Variants in ITSN2 observed in about 807,000 individuals in gnomAD.
ITSN2 encodes the protein intersectin 2.
In ITSN2, 156 loss-of-function variants were observed where a neutral mutation model predicts 243.7. The ratio of observed to expected loss-of-function variants is 0.64; its 90% CI spans 0.56 to 0.73. ITSN2 has a LOEUF of 0.73. Among genes scored for constraint, ITSN2 ranks in the 30% least tolerant of loss-of-function variants. The pLI, the probability that ITSN2 is intolerant of heterozygous loss-of-function variation, is 0.00. For synonymous variants in ITSN2, 703 were observed against 699.9 expected, an observed-to-expected ratio of 1.00 and a Z score of -0.07; for missense variants, 1,801 against 1,996.1, an observed-to-expected ratio of 0.90 and a Z score of 1.86.
intron 22 of ITSN2, among the ~76,000 whole-genome samples, chr2:24,259,392 T>C (rs986421314): frequency 6.6e-6 from 1 of 152,236 alleles, no homozygotes; most frequent in South Asian, 2.1e-4. Flanking sequence ...TATTGTAATA[T>C]CCTTCCTTAA....
intron 29 of ITSN2, chr2:24,241,079 C>T (rs571632325): frequency 1.3e-5 from 2 of 152,140 alleles, no homozygotes; most frequent in Non-Finnish European, 2.9e-5. Flanking sequence ...AGGTGTTACA[C>T]AGCTTTCCTT....
chr2:24,312,254 T>C lies in ITSN2; in HGVS notation c.310A>G (p.Lys104Glu). Residue 104 changes from lysine (K) to glutamate (E), a missense_variant, in exon 5 of 40, where the codon AAG (lysine) becomes GAG (glutamate). This residue lies in a region of ITSN2 where 787 missense variants were observed against 803.9 expected (regional missense o/e 0.98). Coordinates refer to ENST00000355123, the MANE Select transcript of ITSN2 (RefSeq NM_006277.3). ...QLPVVLPPIM[K>E]QPPMFSPLIS... Reference sequence around the variant, plus strand: ...AATGGAGAAAACATAGGGGGTTGCTTCATAATAGGAGGGAGAACCACAGGC... The same window carrying C: ...AATGGAGAAAACATAGGGGGTTGCTCCATAATAGGAGGGAGAACCACAGGC... 1 of 1,613,182 alleles carries C rather than the reference T, an allele frequency of 6.2e-7. No individual in the cohort carries two copies. Among genetic ancestry groups the C allele is most frequent in the Non-Finnish European group, 8.5e-7 (1 of 1,179,516 alleles).
In ITSN2 at chr2:24,360,437, C is replaced by G. The variant is rs1267899460; in HGVS notation, c.-167G>C. The G allele has an allele frequency of 6.6e-6, 1 of 152,502 alleles. No individual in the cohort carries two copies. The highest frequency in any genetic ancestry group is 2.4e-5 in the African/African-American group (1 of 41,456). The allele number at this position is 152,502 out of a possible 1,614,324, so 9.4% of individuals were successfully genotyped here. ...CCGCCACTGCAGCTGGCTTGGTCGT[C>G]AGGCCGCCGCCCGCGAACCTGTTGC... On this transcript the variant is annotated 5_prime_UTR_variant, in exon 1 of 40. Coordinates refer to ENST00000355123, the MANE Select transcript of ITSN2 (RefSeq NM_006277.3).
chr2:24,339,573 T>A (rs1482482279), intron 1 of ITSN2, among the ~76,000 whole-genome samples: 3 of 150,102 alleles, frequency 2.0e-5, no homozygotes, highest in Non-Finnish European at 4.4e-5. Flanking sequence ...AGAGGTGGGG[T>A]AGGGAGGAAA....
At chr2:24,220,719 C>A (rs1262929768) in intron 30 of ITSN2, 1 of 1,340,370 alleles carries the variant, frequency 7.5e-7, no homozygotes, top group Admixed American at 4.0e-5. Flanking sequence ...TGAGTGACCT[C>A]ATCTGGGGGA....
intron 20 of ITSN2, among the ~76,000 whole-genome samples, chr2:24,263,298 T>C (rs1230240382): frequency 6.6e-6 from 1 of 152,192 alleles, no homozygotes; most frequent in Non-Finnish European, 1.5e-5. Context: ...TAAATGAATA[T>C]GGTAGTTGTG....
Position 24,205,645 on chromosome 2 carries a change from A to ATGTC in ITSN2, c.4679-352_4679-349dup, listed in dbSNP as rs1252202861. The ATGTC allele has an allele frequency of 2.2e-5, 6 of 269,620 alleles. No homozygotes were observed. The East Asian group carries it at 4.6e-4, about 21-fold the overall frequency. The allele number at this position is 269,620 out of a possible 1,614,324, so 16.7% of individuals were successfully genotyped here. A position where few individuals can be genotyped will look rare whatever the true frequency, so the allele number is the denominator to read the frequency against. ...CCTGCTGGGTCTGAAATCGTGTGTA[A>ATGTC]TGTCTGTCTCCTCTGCCAGACAGGA... On this transcript the variant is annotated intron_variant, in intron 37 of 39. Coordinates refer to ENST00000355123, the MANE Select transcript of ITSN2 (RefSeq NM_006277.3).
intron 8 of ITSN2, among the ~76,000 whole-genome samples, chr2:24,307,698 CAA>C (rs1428105194): frequency 6.6e-6 from 1 of 152,100 alleles, no homozygotes; most frequent in African/African-American, 2.4e-5. Flanking sequence ...CAATCGATTC[CAA>C]AAGTCTTACT....
At chr2:24,242,245 A>T (rs1300646892) in intron 29 of ITSN2, 2 of 152,608 alleles carry the variant, frequency 1.3e-5, no homozygotes, top group African/African-American at 4.8e-5. Context: ...AACATAATGC[A>T]AATTAGGTGG....
chr2:24,217,832 G>A, intron 31 of ITSN2, 75 bp downstream of exon 31: 1 of 925,580 alleles, frequency 1.1e-6, no homozygotes, highest in Non-Finnish European at 1.7e-6. Context: ...AGAAGCCCTT[G>A]CAGAGGGTTT....
chr2:24,230,705 T>C (rs1312967626), intron 29 of ITSN2, among the ~76,000 whole-genome samples: 1 of 151,964 alleles, frequency 6.6e-6, no homozygotes, highest in Non-Finnish European at 1.5e-5. Flanking sequence ...GAGGCAGAGG[T>C]TGCAGTGACC....
intron 18 of ITSN2, among the ~76,000 whole-genome samples, chr2:24,274,381 GCAACAC>G: frequency 6.6e-6 from 1 of 152,116 alleles, no homozygotes. Flanking sequence ...ACCGGCCTGA[GCAACAC>G]AGAGAGGCCT....
chr2:24,257,891 T>A lies in ITSN2; in HGVS notation c.2885A>T (p.Glu962Val). 6.2e-7 allele frequency: 1 copy of A among 1,611,814 alleles called. No homozygotes were observed. Among genetic ancestry groups the A allele is most frequent in the Non-Finnish European group, 8.5e-7 (1 of 1,177,916 alleles). Residue 962 changes from glutamate to valine, a missense_variant, in exon 23 of 40, where the codon GAA becomes GTA. Coordinates refer to ENST00000355123, the MANE Select transcript of ITSN2 (RefSeq NM_006277.3). Reference protein sequence around the residue: ...KIIPGSEVKREEPEALYAAVN... With the variant: ...KIIPGSEVKRVEPEALYAAVN... ...GAAAACACATAAAGATGCTTACTCT[T>A]CCCGTTTTACTTCACTCCCAGGAAT...
At chr2:24,298,549 G>T in intron 13 of ITSN2, 116 bp downstream of exon 13, 1 of 901,182 alleles carries the variant, frequency 1.1e-6, no homozygotes, top group Non-Finnish European at 1.6e-6. Context: ...GCCTGCCTTG[G>T]CCTCCCAAAG....
At chr2:24,219,984 C>T (rs889078997) in intron 30 of ITSN2, among the ~76,000 whole-genome samples, 3 of 152,170 alleles carry the variant, frequency 2.0e-5, no homozygotes, top group Non-Finnish European at 4.4e-5. Context: ...CTCAGTGAGC[C>T]CACAGGCGTG....
At chr2:24,339,626 C>T (rs769510384) in intron 1 of ITSN2, among the ~76,000 whole-genome samples, 37 of 152,114 alleles carry the variant, frequency 2.4e-4, no homozygotes, top group Admixed American at 5.9e-4. Flanking sequence ...GAGACTAGCT[C>T]TGTTTTTGTG....
chr2:24,271,781 C>T lies in ITSN2; in HGVS notation c.2242G>A (p.Ala748Thr), dbSNP rs368906736. The change falls in exon 19 of 40, where the codon GCT becomes ACT. Residue 748 changes from alanine to threonine, a missense_variant. This residue lies in a region of ITSN2 where 787 missense variants were observed against 803.9 expected (regional missense o/e 0.98). Transcript: ENST00000355123. ...TTATCCTTACGTTTTTTCTCCTCAG[C>T]TTTCAAAGTATCCTTATCCTTACGT... is the stretch of plus-strand genomic sequence containing the variant. ...KQRKDKDTLK[A>T]EEKKRETASV... The T allele has an allele frequency of 1.0e-5, 16 of 1,584,726 alleles. No homozygotes were observed. The highest frequency in any genetic ancestry group is 1.1e-5 in the Non-Finnish European group (13 of 1,171,188).
intron 20 of ITSN2, among the ~76,000 whole-genome samples, chr2:24,264,674 C>CTGTCGAAAA (rs1676384683): frequency 1.7e-3 from 2 of 1,164 alleles, no homozygotes; most frequent in Non-Finnish European, 2.7e-3. Context: ...GCTTTTGCAC[C>CTGTCGAAAA]TCTGTCGAAA....
At chr2:24,220,035 T>C (rs1409079396) in intron 30 of ITSN2, among the ~76,000 whole-genome samples, 1 of 151,552 alleles carries the variant, frequency 6.6e-6, no homozygotes, top group Non-Finnish European at 1.5e-5. Context: ...TGCCATATAG[T>C]TTGCATGGGA....
Sources: gnomAD v4.1 joint callset for allele counts (sites outside exome capture counted in the v4.1 genomes callset) on GRCh38, gnomAD v4.1.1 for gene constraint, gnomAD v4.1.1 regional missense constraint, MANE v1.5 for transcripts, NCBI Gene and HGNC (gene_info 2026-07-23, HGNC 2026-07-21) for gene names.